The following UEVLD variants were observed in gnomAD, a reference collection of about 807,000 sequenced individuals.
UEVLD encodes UEV and lactate/malate dehyrogenase domains.
UEVLD carries 47 observed loss-of-function variants against 58.6 expected under a neutral mutation model. The ratio of observed to expected loss-of-function variants is 0.80; its 90% CI spans 0.63 to 1.02. The LOEUF (loss-of-function observed/expected upper bound fraction) is 1.02, where lower values mean the gene tolerates loss of function less well. Ranked by LOEUF, UEVLD falls within the 50% of genes least tolerant of loss-of-function variation. The probability of loss-of-function intolerance (pLI) is 0.00; values close to 1 mark genes in which losing one functional copy is unlikely to be tolerated. For missense variants in UEVLD, 510 were observed against 550.6 expected, an observed-to-expected ratio of 0.93 and a Z score of 0.74; for synonymous variants, 197 against 195.3, an observed-to-expected ratio of 1.01 and a Z score of -0.07.
At position 18,588,692 on chromosome 11, in the gene UEVLD, C is replaced by T. The variant is rs921219916; in HGVS notation, c.-38G>A. 2.3e-5 allele frequency: 36 copies of T among 1,599,872 alleles called. No individual in the cohort carries two copies. The highest frequency in any genetic ancestry group is 1.7e-4 in the Middle Eastern group (1 of 6,044). On this transcript the variant is annotated 5_prime_UTR_variant, in exon 1 of 12. Coordinates refer to ENST00000396197, the MANE Select transcript of UEVLD (RefSeq NM_001040697.4). Reference sequence around the variant, plus strand: ...CCCGAGCTAGGTCCCAGGACTCCAGCCCCCGGACCTTCTTCCGGACTTGCT... The same window carrying T: ...CCCGAGCTAGGTCCCAGGACTCCAGTCCCCGGACCTTCTTCCGGACTTGCT...
intron 1 of UEVLD, chr11:18,579,505 C>T (rs61884721): frequency 1.1e-5 from 11 of 985,352 alleles, no homozygotes; most frequent in East Asian, 1.1e-4. Context: ...CTTTTTGGCA[C>T]GGCTCATTCA....
At chr11:18,576,191 C>T (rs1852899971) in intron 2 of UEVLD, among the ~76,000 whole-genome samples, 1 of 152,172 alleles carries the variant, frequency 6.6e-6, no homozygotes, top group Non-Finnish European at 1.5e-5. Context: ...TTTCCCAAAA[C>T]AAACTTCCTT....
At chr11:18,585,092 T>C (rs977186662) in intron 1 of UEVLD, among the ~76,000 whole-genome samples, 1 of 152,198 alleles carries the variant, frequency 6.6e-6, no homozygotes, top group African/African-American at 2.4e-5. Context: ...GGTCTTGCCA[T>C]ATTGTTCAGG....
intron 9 of UEVLD, among the ~76,000 whole-genome samples, chr11:18,542,164 T>C (rs1035487829): frequency 6.6e-6 from 1 of 152,200 alleles, no homozygotes; most frequent in East Asian, 1.9e-4. Flanking sequence ...ACAATAAACA[T>C]TCTATAAGTT....
chr11:18,578,406 T>G (rs1853048993), intron 2 of UEVLD, among the ~76,000 whole-genome samples: 1 of 152,216 alleles, frequency 6.6e-6, no homozygotes, highest in East Asian at 1.9e-4. Context: ...CACCTGGATT[T>G]TAGCCAAGTC....
At chr11:18,559,172 G>A (rs1222823419) in intron 6 of UEVLD, among the ~76,000 whole-genome samples, 1 of 150,594 alleles carries the variant, frequency 6.6e-6, no homozygotes, top group Non-Finnish European at 1.5e-5. Flanking sequence ...CCGTGCCCAG[G>A]TCTGCAGGTT....
chr11:18,558,197 A>C (rs762051007), intron 7 of UEVLD, 31 bp downstream of exon 7: 7 of 1,498,548 alleles, frequency 4.7e-6, no homozygotes, highest in Non-Finnish European at 6.4e-6. Flanking sequence ...AGATCTAATA[A>C]GGCATACATC....
chr11:18,566,297 A>T, intron 5 of UEVLD, 50 bp downstream of exon 5: 1 of 1,604,810 alleles, frequency 6.2e-7, no homozygotes, highest in Non-Finnish European at 8.5e-7. Flanking sequence ...TTTAGTGAGA[A>T]ACTGGTAACT....
At chr11:18,537,324 A>ATATATTTTTT (rs1160942409) in intron 9 of UEVLD, among the ~76,000 whole-genome samples, 1 of 131,572 alleles carries the variant, frequency 7.6e-6, no homozygotes, top group Non-Finnish European at 1.6e-5. Context: ...ATATATATAT[A>ATATATTTTTT]TTTTTTTTTT....
chr11:18,567,714 G>A (rs1852368287), intron 4 of UEVLD, among the ~76,000 whole-genome samples: 1 of 152,208 alleles, frequency 6.6e-6, no homozygotes, highest in African/African-American at 2.4e-5. Flanking sequence ...CCCTGGCCTA[G>A]ATGACCTCTA....
At chr11:18,557,184 ACTC>A (rs1010069855) in intron 7 of UEVLD, among the ~76,000 whole-genome samples, 17 of 151,258 alleles carry the variant, frequency 1.1e-4, no homozygotes, top group Non-Finnish European at 2.5e-4. Context: ...ACAGAGTCTC[ACTC>A]TGTCGCCCAG....
In UEVLD at chr11:18,531,782, C is replaced by A. The variant is rs1241655040; in HGVS notation, c.*538G>T. The stretch of plus-strand genomic sequence containing the variant: ...TTTAAAGTGCATGTAAAATTCTTTT[C>A]CATTTTTTGGTAGGTAATTAATTTG... On this transcript the variant is annotated 3_prime_UTR_variant, in exon 12 of 12. Coordinates refer to ENST00000396197, the MANE Select transcript of UEVLD (RefSeq NM_001040697.4). 1.3e-5 allele frequency: 2 copies of A among 152,094 alleles called. No individual in the cohort carries two copies. Among genetic ancestry groups the A allele is most frequent in the Non-Finnish European group, 1.5e-5 (1 of 68,002 alleles). The allele number at this position is 152,094 out of a possible 1,614,324, so 9.4% of individuals were successfully genotyped here.
chr11:18,556,971 A>G (rs1565122805), intron 7 of UEVLD, among the ~76,000 whole-genome samples: 2 of 151,594 alleles, frequency 1.3e-5, no homozygotes, highest in African/African-American at 2.4e-5. Context: ...GCATGCCTAT[A>G]GCCCCAGCTA....
At chr11:18,547,076 A>G (rs1184508028) in intron 7 of UEVLD, 26 bp from the exon 8 acceptor site, 1 of 1,596,810 alleles carries the variant, frequency 6.3e-7, no homozygotes, top group African/African-American at 1.4e-5. Context: ...AAACAGTCTG[A>G]GCTGAAGATA....
At chr11:18,562,700 A>G (rs1852101255) in intron 6 of UEVLD, among the ~76,000 whole-genome samples, 1 of 151,586 alleles carries the variant, frequency 6.6e-6, no homozygotes, top group Non-Finnish European at 1.5e-5. Flanking sequence ...AAAACGGCAA[A>G]TTTTCCACCC....
At chr11:18,584,421 A>G (rs976355379) in intron 1 of UEVLD, among the ~76,000 whole-genome samples, 2 of 152,034 alleles carry the variant, frequency 1.3e-5, no homozygotes, top group African/African-American at 2.4e-5. Flanking sequence ...TTGCAGAATA[A>G]TAAGTACTGG....
At chr11:18,559,419 G>A (rs1208252926) in intron 6 of UEVLD, among the ~76,000 whole-genome samples, 2 of 151,300 alleles carry the variant, frequency 1.3e-5, no homozygotes, top group African/African-American at 2.4e-5. Context: ...GGCTGGTCTC[G>A]AACTCCTGAC....
At chr11:18,544,836 AAAT>A (rs1409480278) in intron 8 of UEVLD, 40 bp from the exon 9 acceptor site, 1 of 1,436,890 alleles carries the variant, frequency 7.0e-7, no homozygotes, top group African/African-American at 1.5e-5. Flanking sequence ...AAAGGTTAAA[AAAT>A]ATATACTTCT....
At chr11:18,566,248 A>G in intron 5 of UEVLD, 99 bp downstream of exon 5, 2 of 1,536,256 alleles carry the variant, frequency 1.3e-6, no homozygotes, top group Non-Finnish European at 1.8e-6. Context: ...TACGCACACA[A>G]ATTTATTTAT....
Sources: allele counts gnomAD v4.1 joint callset (sites outside exome capture counted in the v4.1 genomes callset), GRCh38; gene constraint gnomAD v4.1.1; transcripts MANE v1.5; gene names NCBI Gene and HGNC (gene_info 2026-07-23, HGNC 2026-07-21).